The following DPP4 variants were observed in gnomAD, a reference collection of about 807,000 sequenced individuals.
DPP4 encodes ADCP-2.
Under a neutral mutation model 122.4 loss-of-function variants are expected in DPP4, and 93 were observed. That is an observed-to-expected ratio of 0.76 (90% CI 0.64 to 0.90). The LOEUF (loss-of-function observed/expected upper bound fraction) is 0.90. DPP4 is among the 40% of genes least tolerant of loss of function. The pLI is 0.00. For missense variants in DPP4, 914 were observed against 907.3 expected (o/e 1.01, Z -0.09); for synonymous variants, 321 against 302.9 (o/e 1.06, Z -0.62).
chr2:161,999,679 A>C (rs1190208188), intron 23 of DPP4, among the ~76,000 whole-genome samples: 1 of 152,202 alleles, frequency 6.6e-6, no homozygotes, highest in Non-Finnish European at 1.5e-5. Flanking sequence ...CCAACAAATA[A>C]ATCTTTGTAT....
intron 8 of DPP4, among the ~76,000 whole-genome samples, chr2:162,037,169 T>C (rs1683807832): frequency 6.6e-6 from 1 of 152,180 alleles, no homozygotes; most frequent in Admixed American, 6.5e-5. Flanking sequence ...GTGAATGGCC[T>C]AGTCGTGAAC....
At chr2:162,026,591 G>A (rs1309879028) in intron 10 of DPP4, among the ~76,000 whole-genome samples, 1 of 152,050 alleles carries the variant, frequency 6.6e-6, no homozygotes, top group Non-Finnish European at 1.5e-5. Flanking sequence ...ATGTCTTCTT[G>A]GAAACCTCCT....
At chr2:162,044,987 C>A (rs1219170214) in intron 5 of DPP4, among the ~76,000 whole-genome samples, 3 of 145,044 alleles carry the variant, frequency 2.1e-5, no homozygotes, top group Non-Finnish European at 4.5e-5. Context: ...TTGACGGGGT[C>A]TCACTCTGTC....
intron 10 of DPP4, among the ~76,000 whole-genome samples, chr2:162,030,600 C>G (rs1263269072): frequency 1.3e-5 from 2 of 152,152 alleles, no homozygotes; most frequent in Non-Finnish European, 1.5e-5. Flanking sequence ...TTGCTTGGCC[C>G]TGCTGGATCT....
chr2:161,997,522 T>C (rs1465578439), intron 23 of DPP4, among the ~76,000 whole-genome samples: 1 of 152,226 alleles, frequency 6.6e-6, no homozygotes, highest in African/African-American at 2.4e-5. Flanking sequence ...GCACTTGCAG[T>C]GTCCACTATA....
At chr2:162,005,503 T>A (rs1701261400) in intron 23 of DPP4, 1 of 366,090 alleles carries the variant, frequency 2.7e-6, no homozygotes, top group Non-Finnish European at 4.9e-6. Context: ...AATTATCTGA[T>A]GTTGCTTTGT....
intron 25 of DPP4, among the ~76,000 whole-genome samples, chr2:161,993,712 G>T (rs889714692): frequency 5.9e-5 from 9 of 152,232 alleles, no homozygotes; most frequent in African/African-American, 2.2e-4. Flanking sequence ...TTCCAAATTT[G>T]ACTCAAAGGG....
intron 3 of DPP4, 59 bp downstream of exon 3, chr2:162,047,344 C>T: frequency 1.0e-6 from 1 of 993,900 alleles, no homozygotes; most frequent in Non-Finnish European, 1.5e-6. Context: ...AAGCCCACAT[C>T]TCGACTTAAC....
intron 7 of DPP4, among the ~76,000 whole-genome samples, chr2:162,038,652 C>T (rs1362919383): frequency 6.6e-6 from 1 of 151,962 alleles, no homozygotes; most frequent in Non-Finnish European, 1.5e-5. Context: ...ATGAGAAGTA[C>T]ATAACTACCA....
chr2:162,019,407 C>T (rs1366958825), intron 14 of DPP4, 131 bp from the exon 15 acceptor site: 12 of 570,862 alleles, frequency 2.1e-5, no homozygotes, highest in African/African-American at 1.5e-4. Context: ...CCTCCGCCAT[C>T]GCTTCCGTGT....
At chr2:161,994,874 T>G (rs925900261) in intron 25 of DPP4, 87 bp downstream of exon 25, 1 of 1,265,198 alleles carries the variant, frequency 7.9e-7, no homozygotes, top group Non-Finnish European at 1.2e-6. Context: ...CTGTCCTGTC[T>G]GTGGCACTGC....
intron 3 of DPP4, 151 bp from the exon 4 acceptor site, chr2:162,047,157 C>T: frequency 1.8e-6 from 1 of 544,624 alleles, no homozygotes. Flanking sequence ...AACATTCATT[C>T]ATTTTTTCAT....
chr2:162,031,649 C>A (rs1253683582), intron 10 of DPP4, among the ~76,000 whole-genome samples: 1 of 152,164 alleles, frequency 6.6e-6, no homozygotes, highest in Non-Finnish European at 1.5e-5. Flanking sequence ...CCTGCTCAAT[C>A]TGCACATTCT....
chr2:162,046,431 A>T (rs1372803838), intron 4 of DPP4, among the ~76,000 whole-genome samples: 1 of 152,204 alleles, frequency 6.6e-6, no homozygotes, highest in African/African-American at 2.4e-5. Flanking sequence ...ACTCACAAAA[A>T]AGAATAAGAT....
chr2:162,002,587 G>A (rs912438929), intron 23 of DPP4, among the ~76,000 whole-genome samples: 9 of 151,974 alleles, frequency 5.9e-5, no homozygotes, highest in African/African-American at 1.9e-4. Flanking sequence ...AAATGCACAG[G>A]GTGGTGAAAT....
In DPP4 at chr2:162,038,970, C is replaced by A; in HGVS notation, c.471G>T (p.Trp157Cys). 6.2e-7 allele frequency: 1 copy of A among 1,613,418 alleles called. No individual in the cohort carries two copies. The highest frequency in any genetic ancestry group is 8.5e-7 in the Non-Finnish European group (1 of 1,179,486). ...RIPNNTQWVT[W>C]SPVGHKLAYV... ...TAACCAATTTATGACCCACTGGTGACCATGTGACCCACTGTGTGTTGTTTG... is the reference window on the plus strand; with the variant it reads ...TAACCAATTTATGACCCACTGGTGAACATGTGACCCACTGTGTGTTGTTTG... Residue 157 changes from tryptophan (W) to cysteine (C), a missense_variant, in exon 7 of 26, where the codon TGG (tryptophan) becomes TGT (cysteine). Transcript: ENST00000360534.
intron 2 of DPP4, among the ~76,000 whole-genome samples, chr2:162,048,092 T>C (rs1449501507): frequency 1.3e-5 from 2 of 152,154 alleles, no homozygotes; most frequent in Admixed American, 1.3e-4. Flanking sequence ...TCAGAGGCTT[T>C]GGGGCCCAGT....
At chr2:162,035,397 C>A in intron 8 of DPP4, 73 bp from the exon 9 acceptor site, 2 of 1,422,702 alleles carry the variant, frequency 1.4e-6, no homozygotes, top group South Asian at 2.6e-5. Flanking sequence ...AAATATTGTT[C>A]TCATTAGCTT....
At chr2:162,040,680 C>T (rs1683952835) in intron 5 of DPP4, among the ~76,000 whole-genome samples, 1 of 151,864 alleles carries the variant, frequency 6.6e-6, no homozygotes, top group African/African-American at 2.4e-5. Flanking sequence ...TCAGAATCCA[C>T]CATAATGGTA....
Sources: gnomAD v4.1 joint callset for allele counts (sites outside exome capture counted in the v4.1 genomes callset) on GRCh38, gnomAD v4.1.1 for gene constraint, MANE v1.5 for transcripts, NCBI Gene and HGNC (gene_info 2026-07-23, HGNC 2026-07-21) for gene names.